BACH2: variants seen among roughly 807,000 people sequenced by gnomAD.
The protein encoded by BACH2 is BACH transcriptional regulator 2.
In BACH2, 5 loss-of-function variants were observed where a neutral mutation model predicts 61.8. That is an observed-to-expected ratio of 0.08 (90% CI 0.04 to 0.17). BACH2 has a LOEUF of 0.17. Ranked by LOEUF, BACH2 falls within the 10% of genes least tolerant of loss-of-function variation. The pLI, the probability that BACH2 is intolerant of heterozygous loss-of-function variation, is 1.00. For missense variants in BACH2, 824 were observed against 1,091.1 expected (o/e 0.76, Z 3.45); for synonymous variants, 446 against 440.1 (o/e 1.01, Z -0.17).
At chr6:89,947,632 C>T (rs1172543494) in intron 7 of BACH2, among the ~76,000 whole-genome samples, 2 of 151,728 alleles carry the variant, frequency 1.3e-5, no homozygotes, top group Non-Finnish European at 2.9e-5. Context: ...GCGGCGCGAT[C>T]TCGGCTCACT....
intron 3 of BACH2, among the ~76,000 whole-genome samples, chr6:90,229,672 T>C (rs1227070678): frequency 6.6e-6 from 1 of 152,198 alleles, no homozygotes; most frequent in Non-Finnish European, 1.5e-5. Flanking sequence ...AACTTTTAAG[T>C]AGGAAATCAC....
At chr6:90,037,222 C>A (rs1405839808) in intron 5 of BACH2, among the ~76,000 whole-genome samples, 2 of 152,120 alleles carry the variant, frequency 1.3e-5, no homozygotes, top group Non-Finnish European at 2.9e-5. Flanking sequence ...AAATCCATAC[C>A]CATGCCCAGT....
chr6:90,294,437 A>G (rs975939492), intron 1 of BACH2, among the ~76,000 whole-genome samples: 1 of 152,196 alleles, frequency 6.6e-6, no homozygotes, highest in African/African-American at 2.4e-5. Flanking sequence ...GCAATCAATA[A>G]ATTTCTTTCA....
chr6:90,058,650 G>C (rs940368274), intron 5 of BACH2, among the ~76,000 whole-genome samples: 1 of 152,070 alleles, frequency 6.6e-6, no homozygotes, highest in African/African-American at 2.4e-5. Flanking sequence ...AACCAAAAAA[G>C]AGCCCGCATC....
chr6:90,167,259 G>GGTTTT (rs1282049587), intron 4 of BACH2, among the ~76,000 whole-genome samples: 22 of 152,320 alleles, frequency 1.4e-4, no homozygotes, highest in Middle Eastern at 6.8e-3. Flanking sequence ...TAAAAAACTA[G>GGTTTT]TTAGTGAACC....
intron 5 of BACH2, among the ~76,000 whole-genome samples, chr6:90,021,461 T>G (rs1476115234): frequency 1.3e-5 from 2 of 152,148 alleles, no homozygotes; most frequent in African/African-American, 4.8e-5. Flanking sequence ...AAAGACCAAA[T>G]TATAAACCAT....
At chr6:89,982,770 G>C (rs1409492978) in intron 6 of BACH2, among the ~76,000 whole-genome samples, 2 of 152,124 alleles carry the variant, frequency 1.3e-5, no homozygotes, top group Admixed American at 6.5e-5. Context: ...GTTTTGGAGA[G>C]TATAAGTAAC....
chr6:90,252,181 C>T lies in BACH2; in HGVS notation c.-275+332G>A, dbSNP rs550675353. Among the ~76,000 whole-genome samples, 199 of 152,220 alleles carry T rather than the reference C, an allele frequency of 1.3e-3. 1 individual carries two copies. Among genetic ancestry groups the T allele is most frequent in the African/African-American group, 4.6e-3 (192 of 41,550 alleles). On this transcript the variant is annotated intron_variant, in intron 3 of 8. Transcript: ENST00000257749. ...CCAGTTTTAAGACTGCCCGGGTATC[C>T]TTTTTAGCAATACAAAGATTCACAC...
At position 90,282,014 on chromosome 6, in the gene BACH2, T is replaced by C. The variant is rs371417200; in HGVS notation, c.-445-10073A>G. On this transcript the variant is annotated intron_variant, in intron 1 of 8. Transcript: ENST00000257749. ...ACCCTTCTATATGTGGTTATACTAG[T>C]TGATTTTTCATTGCCAAATAGTATC... Among the ~76,000 whole-genome samples, 14 of 152,172 alleles carry C rather than the reference T, an allele frequency of 9.2e-5. No individual in the cohort carries two copies. In the South Asian group the frequency reaches 2.1e-3, roughly 23 times the overall value.
intron 4 of BACH2, among the ~76,000 whole-genome samples, chr6:90,096,789 T>A (rs943372788): frequency 3.3e-5 from 5 of 152,198 alleles, no homozygotes; most frequent in African/African-American, 1.2e-4. Flanking sequence ...CTGCACCTCC[T>A]GACATAGCCT....
At chr6:90,149,620 A>G (rs1784742094) in intron 4 of BACH2, among the ~76,000 whole-genome samples, 1 of 152,248 alleles carries the variant, frequency 6.6e-6, no homozygotes, top group Admixed American at 6.5e-5. Context: ...GGATATATTC[A>G]TGGAACTGGA....
chr6:90,278,457 T>C (rs924274322), intron 1 of BACH2, among the ~76,000 whole-genome samples: 1 of 152,232 alleles, frequency 6.6e-6, no homozygotes, highest in East Asian at 1.9e-4. Context: ...GCCTCAACCG[T>C]CTGTTTGCAA....
intron 4 of BACH2, among the ~76,000 whole-genome samples, chr6:90,103,436 A>G (rs528476485): frequency 1.2e-4 from 18 of 152,056 alleles, no homozygotes; most frequent in Admixed American, 6.6e-4. Context: ...TTTTGAAGAG[A>G]TCCTGGTATT....
intron 4 of BACH2, among the ~76,000 whole-genome samples, chr6:90,113,099 A>G (rs530927515): frequency 1.3e-5 from 2 of 152,376 alleles, no homozygotes; most frequent in South Asian, 4.1e-4. Flanking sequence ...ACTCAGATTT[A>G]TAAAGCAAGT....
chr6:90,228,604 C>A (rs910887801), intron 3 of BACH2, among the ~76,000 whole-genome samples: 7 of 152,080 alleles, frequency 4.6e-5, no homozygotes, highest in African/African-American at 1.7e-4. Flanking sequence ...CAAAAATTAG[C>A]CAGGCTTGGT....
intron 1 of BACH2, among the ~76,000 whole-genome samples, chr6:90,294,325 T>C (rs1227227014): frequency 6.6e-6 from 1 of 152,184 alleles, no homozygotes; most frequent in African/African-American, 2.4e-5. Flanking sequence ...AGTTATGTTC[T>C]AACAAAAATA....
chr6:90,001,657 C>T (rs1777139405), intron 6 of BACH2, among the ~76,000 whole-genome samples: 1 of 152,222 alleles, frequency 6.6e-6, no homozygotes, highest in Admixed American at 6.5e-5. Flanking sequence ...AGTCCTTTGA[C>T]ACCAGCTAAG....
chr6:89,960,503 T>C (rs1217639849), intron 6 of BACH2, among the ~76,000 whole-genome samples: 2 of 152,268 alleles, frequency 1.3e-5, no homozygotes, highest in Non-Finnish European at 2.9e-5. Context: ...TATATAGCTC[T>C]ATCCAAAGAA....
At chr6:90,139,751 G>A (rs1052862551) in intron 4 of BACH2, among the ~76,000 whole-genome samples, 1 of 152,092 alleles carries the variant, frequency 6.6e-6, no homozygotes, top group Non-Finnish European at 1.5e-5. Context: ...CACACAGGTG[G>A]GGGTGGAGGT....
Sources: allele counts gnomAD v4.1 joint callset (sites outside exome capture counted in the v4.1 genomes callset), GRCh38; gene constraint gnomAD v4.1.1; transcripts MANE v1.5; gene names NCBI Gene and HGNC (gene_info 2026-07-23, HGNC 2026-07-21).